Variants in ASB11 observed in about 807,000 individuals in gnomAD.
The protein encoded by ASB11 is ankyrin repeat and SOCS box protein 11.
A neutral mutation model predicts 20.1 loss-of-function variants in ASB11; 17 were observed. That is an observed-to-expected ratio of 0.85 (90% CI 0.58 to 1.27). The LOEUF is 1.27. Ranked by LOEUF, ASB11 falls within the 50% of genes most tolerant of loss-of-function variation. ASB11 has a pLI of 0.00. For synonymous variants in ASB11, 107 were observed against 105.6 expected, an observed-to-expected ratio of 1.01 and a Z score of -0.08; for missense variants, 259 against 256.9, an observed-to-expected ratio of 1.01 and a Z score of -0.06.
intron 1 of ASB11, chrX:15,314,258 C>G (rs1921538084): frequency 9.9e-7 from 1 of 1,008,587 alleles, no homozygotes; most frequent in Admixed American, 3.6e-5. Flanking sequence ...AAGCCCTTGC[C>G]CAAATTGACA....
intron 1 of ASB11, among the ~76,000 whole-genome samples, chrX:15,312,600 G>T (rs1455754235): frequency 3.6e-5 from 4 of 109,774 alleles, no homozygotes; most frequent in Non-Finnish European, 7.6e-5. Context: ...TTTTGACATT[G>T]CTGACAATAG....
intron 6 of ASB11, among the ~76,000 whole-genome samples, chrX:15,284,242 A>G (rs1222586711): frequency 1.3e-4 from 11 of 86,627 alleles, no homozygotes; most frequent in Admixed American, 9.5e-4. Context: ...ACAGAGCGAG[A>G]CTCCGCCTCA....
At chrX:15,297,304 C>CAA (rs200827560) in intron 3 of ASB11, among the ~76,000 whole-genome samples, 31 of 107,793 alleles carry the variant, frequency 2.9e-4, no homozygotes, top group African/African-American at 1.0e-3. Context: ...CAAAACAAAA[C>CAA]AAAACAAAAA....
At chrX:15,309,557 C>A (rs1427448338) in intron 1 of ASB11, among the ~76,000 whole-genome samples, 2 of 110,462 alleles carry the variant, frequency 1.8e-5, no homozygotes, top group African/African-American at 3.3e-5. Context: ...CAAAACCATC[C>A]CCCCACACCC....
intron 3 of ASB11, among the ~76,000 whole-genome samples, chrX:15,296,566 A>G (rs1395790334): frequency 8.9e-6 from 1 of 111,903 alleles, no homozygotes; most frequent in Non-Finnish European, 1.9e-5. Flanking sequence ...CACCTCAGTC[A>G]CCCTTTGAAA....
In ASB11 at chrX:15,293,279, A is replaced by G. The variant is rs768812336; in HGVS notation, c.411T>C (p.Asn137=). The G allele has an allele frequency of 3.3e-6, 4 of 1,209,902 alleles. No homozygotes were observed. The highest frequency in any genetic ancestry group is 4.5e-6 in the Non-Finnish European group (4 of 895,154). Reference sequence around the variant, plus strand: ...ATGCAGCACTGCCGCTGCAGCAAGCATTGAAGAGGGGTGTGGCTCCGTGAA... The same window carrying G: ...ATGCAGCACTGCCGCTGCAGCAAGCGTTGAAGAGGGGTGTGGCTCCGTGAA... ...VTVHGATPLF[N]ACCSGSAACV... The change falls in exon 4 of 7, where the codon AAT becomes AAC. Residue 137 remains asparagine (N), a synonymous_variant. Transcript: ENST00000480796.
At chrX:15,296,465 T>G (rs1920965925) in intron 3 of ASB11, among the ~76,000 whole-genome samples, 1 of 111,767 alleles carries the variant, frequency 8.9e-6, no homozygotes, top group East Asian at 2.8e-4. Context: ...AACAACAAAA[T>G]TAGAAACAAA....
intron 1 of ASB11, among the ~76,000 whole-genome samples, chrX:15,304,226 G>C (rs759277106): frequency 8.9e-6 from 1 of 112,080 alleles, no homozygotes; most frequent in Non-Finnish European, 1.9e-5. Context: ...ATAACTGAAG[G>C]CCTTAAGGAA....
chrX:15,289,139 CCTAAA>C (rs749206732), intron 5 of ASB11, among the ~76,000 whole-genome samples: 20 of 112,062 alleles, frequency 1.8e-4, no homozygotes, highest in African/African-American at 6.5e-4. Context: ...GAAATCTAGG[CCTAAA>C]CTAATCAATA....
At chrX:15,297,526 C>T (rs1292053444) in intron 3 of ASB11, 48 bp downstream of exon 3, 1 of 1,004,133 alleles carries the variant, frequency 1.0e-6, no homozygotes, top group Non-Finnish European at 1.3e-6. Context: ...TAAACATTAA[C>T]AGATGCATCT....
chrX:15,297,423 G>C (rs1357129909), intron 3 of ASB11, 151 bp downstream of exon 3: 34 of 383,993 alleles, frequency 8.9e-5, no homozygotes, highest in Non-Finnish European at 1.3e-4. Context: ...GTTGAAGAGA[G>C]AGGAGTAGCC....
At chrX:15,304,820 A>G (rs973573865) in intron 1 of ASB11, among the ~76,000 whole-genome samples, 1 of 111,907 alleles carries the variant, frequency 8.9e-6, no homozygotes, top group Non-Finnish European at 1.9e-5. Flanking sequence ...GGTTGCAGTG[A>G]GCTAAGATTA....
At chrX:15,296,483 TG>T (rs1289079229) in intron 3 of ASB11, among the ~76,000 whole-genome samples, 1 of 111,778 alleles carries the variant, frequency 8.9e-6, no homozygotes, top group Admixed American at 9.5e-5. Flanking sequence ...AAAGAACATC[TG>T]GCAACTAAAC....
intron 5 of ASB11, among the ~76,000 whole-genome samples, chrX:15,289,000 A>G (rs1927462318): frequency 8.9e-6 from 1 of 112,295 alleles, no homozygotes; most frequent in Non-Finnish European, 1.9e-5. Context: ...ACTAGCCTGT[A>G]GCAAATGTCT....
At chrX:15,307,345 A>G (rs917039565) in intron 1 of ASB11, among the ~76,000 whole-genome samples, 1 of 112,348 alleles carries the variant, frequency 8.9e-6, no homozygotes, top group Non-Finnish European at 1.9e-5. Context: ...TTTTGCCACC[A>G]AGGACTGGTT....
At chrX:15,287,513 G>A (rs1376315212) in intron 6 of ASB11, among the ~76,000 whole-genome samples, 1 of 112,153 alleles carries the variant, frequency 8.9e-6, no homozygotes, top group African/African-American at 3.2e-5. Flanking sequence ...TTTTAGTAGA[G>A]ACAGGATTTC....
At chrX:15,305,596 A>AC (rs1921212206) in intron 1 of ASB11, among the ~76,000 whole-genome samples, 2 of 62,760 alleles carry the variant, frequency 3.2e-5, no homozygotes, top group Admixed American at 1.8e-4. Context: ...AAAAAAAAAG[A>AC]TTAGATAGAT....
chrX:15,306,575 C>T (rs1221826950), intron 1 of ASB11, among the ~76,000 whole-genome samples: 5 of 109,294 alleles, frequency 4.6e-5, no homozygotes, highest in Non-Finnish European at 3.8e-5. Context: ...CGGTGGTAGG[C>T]GCCTGTAATC....
chrX:15,286,605 C>T (rs1215270225), intron 6 of ASB11, among the ~76,000 whole-genome samples: 2 of 98,796 alleles, frequency 2.0e-5, no homozygotes, highest in Non-Finnish European at 4.0e-5. Flanking sequence ...GCAGAGGTTG[C>T]AGTGAGCCGA....
Sources: gnomAD v4.1 joint callset for allele counts (sites outside exome capture counted in the v4.1 genomes callset) on GRCh38, gnomAD v4.1.1 for gene constraint, MANE v1.5 for transcripts, NCBI Gene and HGNC (gene_info 2026-07-23, HGNC 2026-07-21) for gene names.